The following RBFOX1 variants were observed in gnomAD, a reference collection of about 807,000 sequenced individuals.
RBFOX1 encodes RNA binding protein fox-1 homolog 1.
In RBFOX1, 8 loss-of-function variants were observed where a neutral mutation model predicts 57.7. The observed-to-expected ratio is 0.14, with a 90% confidence interval of 0.08 to 0.25. RBFOX1 has a LOEUF of 0.25. Among genes scored for constraint, RBFOX1 ranks in the 10% least tolerant of loss-of-function variants. The probability of loss-of-function intolerance (pLI) is 1.00; values close to 1 mark genes in which losing one functional copy is unlikely to be tolerated. For missense variants in RBFOX1, 611 were observed against 548.5 expected, an observed-to-expected ratio of 1.11 and a Z score of -1.14; for synonymous variants, 326 against 222.4, an observed-to-expected ratio of 1.47 and a Z score of -4.15.
At chr16:7,189,138 C>T (rs567248061) in intron 4 of RBFOX1, among the ~76,000 whole-genome samples, 1 of 151,982 alleles carries the variant, frequency 6.6e-6, no homozygotes, top group African/African-American at 2.4e-5. Flanking sequence ...AGAAAGGAAT[C>T]CTCAGGGCTG....
At chr16:7,581,025 G>T (rs1483089462) in intron 6 of RBFOX1, among the ~76,000 whole-genome samples, 1 of 152,104 alleles carries the variant, frequency 6.6e-6, no homozygotes, top group Non-Finnish European at 1.5e-5. Context: ...TATAAAATGG[G>T]AGGCTCTTGT....
intron 2 of RBFOX1, among the ~76,000 whole-genome samples, chr16:5,491,079 A>T (rs182455377): frequency 3.1e-4 from 47 of 152,260 alleles, no homozygotes; most frequent in Admixed American, 9.8e-4. Context: ...AGGTTTCTGT[A>T]CCTGCTTCAT....
intron 3 of RBFOX1, among the ~76,000 whole-genome samples, chr16:7,031,678 G>A (rs2042834290): frequency 6.6e-6 from 1 of 152,044 alleles, no homozygotes; most frequent in Admixed American, 6.5e-5. Flanking sequence ...TGATGGGATT[G>A]GCGAGATAAT....
intron 3 of RBFOX1, among the ~76,000 whole-genome samples, chr16:6,992,069 T>G (rs1420497085): frequency 1.3e-5 from 2 of 152,192 alleles, no homozygotes; most frequent in African/African-American, 4.8e-5. Context: ...TTGGCCTGTC[T>G]TTGCCAGAGT....
At chr16:6,522,839 C>T (rs971014223) in intron 2 of RBFOX1, among the ~76,000 whole-genome samples, 1 of 151,978 alleles carries the variant, frequency 6.6e-6, no homozygotes, top group African/African-American at 2.4e-5. Flanking sequence ...GGTATAGCCC[C>T]TTCCTGCTCA....
At chr16:5,573,289 C>G (rs991533547) in intron 2 of RBFOX1, among the ~76,000 whole-genome samples, 1 of 152,150 alleles carries the variant, frequency 6.6e-6, no homozygotes, top group African/African-American at 2.4e-5. Context: ...TCCCCACGGC[C>G]TCGGGTGGGA....
chr16:6,415,328 A>G (rs1310086573), intron 2 of RBFOX1, among the ~76,000 whole-genome samples: 1 of 152,080 alleles, frequency 6.6e-6, no homozygotes, highest in Admixed American at 6.6e-5. Context: ...CATTTTCAAA[A>G]GCACAAAAGA....
chr16:5,835,947 G>A (rs1413290678), intron 3 of RBFOX1, among the ~76,000 whole-genome samples: 1 of 152,152 alleles, frequency 6.6e-6, no homozygotes, highest in Non-Finnish European at 1.5e-5. Flanking sequence ...GGCGTCACAG[G>A]GAAGTTGGGG....
At chr16:6,652,720 C>T (rs546013610) in intron 2 of RBFOX1, among the ~76,000 whole-genome samples, 2 of 151,984 alleles carry the variant, frequency 1.3e-5, no homozygotes, top group South Asian at 4.2e-4. Flanking sequence ...TAGCAAAATC[C>T]ACAGAGACAG....
At chr16:6,976,800 A>G (rs1262453443) in intron 3 of RBFOX1, among the ~76,000 whole-genome samples, 5 of 136,822 alleles carry the variant, frequency 3.7e-5, no homozygotes, top group African/African-American at 1.6e-4. Context: ...TATATGATAT[A>G]TGAGATATAA....
At chr16:6,687,140 A>G (rs1293514766) in intron 3 of RBFOX1, among the ~76,000 whole-genome samples, 2 of 152,234 alleles carry the variant, frequency 1.3e-5, no homozygotes, top group African/African-American at 4.8e-5. Context: ...TGGGGCATCC[A>G]TAGAAATACA....
intron 4 of RBFOX1, among the ~76,000 whole-genome samples, chr16:7,187,417 C>T (rs904524511): frequency 2.6e-5 from 4 of 151,816 alleles, no homozygotes; most frequent in East Asian, 1.9e-4. Context: ...TGGCCAGGCA[C>T]GGTGGCTCAC....
At chr16:5,600,601 C>G (rs996686878), downstream of RBFOX1, among the ~76,000 whole-genome samples, 2 of 151,866 alleles carry the variant, frequency 1.3e-5, no homozygotes, top group African/African-American at 4.8e-5. Flanking sequence ...ACCCTTCGTG[C>G]AAACTGGAAT....
At chr16:6,542,208 G>C (rs1231719791) in intron 2 of RBFOX1, among the ~76,000 whole-genome samples, 3 of 152,080 alleles carry the variant, frequency 2.0e-5, no homozygotes, top group African/African-American at 7.2e-5. Context: ...TTACAGGTGT[G>C]AGCTACTTTG....
At chr16:6,186,044 G>A (rs1039258657) in intron 1 of RBFOX1, among the ~76,000 whole-genome samples, 3 of 152,160 alleles carry the variant, frequency 2.0e-5, no homozygotes, top group Admixed American at 2.0e-4. Context: ...TGTGTTTCTT[G>A]CAACGGAAGT....
At chr16:6,435,649 A>C (rs2094213770) in intron 2 of RBFOX1, among the ~76,000 whole-genome samples, 2 of 152,158 alleles carry the variant, frequency 1.3e-5, no homozygotes, top group Admixed American at 1.3e-4. Flanking sequence ...ATTTATAGAC[A>C]CTGGGGCATT....
chr16:7,065,565 G>C (rs940397126), intron 4 of RBFOX1, among the ~76,000 whole-genome samples: 1 of 152,160 alleles, frequency 6.6e-6, no homozygotes, highest in African/African-American at 2.4e-5. Flanking sequence ...ATTGTATACA[G>C]CATGGTGTTT....
At position 7,653,782 on chromosome 16, in the gene RBFOX1, T is replaced by TAC. The variant is rs765555065; in HGVS notation, c.758-33_758-32insAC. On this transcript the variant is annotated intron_variant, in intron 11 of 15. Transcript: ENST00000550418. The stretch of plus-strand genomic sequence containing the variant: ...AGCAGGGTGTGCATCTGACAGCCTG[T>TAC]GCTCTCTCTCTCTCTCTCCTCTTGC... The TAC allele has an allele frequency of 2.8e-6, 4 of 1,412,960 alleles. No individual in the cohort carries two copies. In the African/African-American group the frequency reaches 6.0e-5, roughly 21 times the overall value. The allele number at this position is 1,412,960 out of a possible 1,614,324, so 87.5% of individuals were successfully genotyped here. A position where few individuals can be genotyped will look rare whatever the true frequency, so the allele number is the denominator to read the frequency against.
chr16:6,409,374 A>G (rs1161622575), intron 2 of RBFOX1, among the ~76,000 whole-genome samples: 4 of 152,194 alleles, frequency 2.6e-5, no homozygotes, highest in African/African-American at 9.7e-5. Context: ...AGATCATGCC[A>G]TTGCCCTCCA....
Sources: allele counts gnomAD v4.1 joint callset (sites outside exome capture counted in the v4.1 genomes callset), GRCh38; gene constraint gnomAD v4.1.1; transcripts MANE v1.5; gene names NCBI Gene and HGNC (gene_info 2026-07-23, HGNC 2026-07-21).